Variants in PPP1R9A observed in about 807,000 individuals in gnomAD.
The protein encoded by PPP1R9A is neurabin-1.
PPP1R9A carries 59 observed loss-of-function variants against 141.9 expected under a neutral mutation model. That is an observed-to-expected ratio of 0.42 (90% CI 0.34 to 0.52). The LOEUF (loss-of-function observed/expected upper bound fraction) is 0.52. Ranked by LOEUF, PPP1R9A falls within the 20% of genes least tolerant of loss-of-function variation. PPP1R9A has a pLI of 0.10. For missense variants in PPP1R9A, 1,444 were observed against 1,611.9 expected, an observed-to-expected ratio of 0.90 and a Z score of 1.78; for synonymous variants, 500 against 569.7, an observed-to-expected ratio of 0.88 and a Z score of 1.74.
intron 4 of PPP1R9A, among the ~76,000 whole-genome samples, chr7:95,159,850 C>T (rs772952760): frequency 1.8e-4 from 27 of 148,458 alleles, no homozygotes; most frequent in African/African-American, 2.2e-4. Context: ...CTCTTGAACC[C>T]GGGAGGCGGA....
intron 2 of PPP1R9A, among the ~76,000 whole-genome samples, chr7:95,110,289 C>A (rs1820325285): frequency 6.6e-6 from 1 of 152,082 alleles, no homozygotes; most frequent in Admixed American, 6.6e-5. Flanking sequence ...AGTCTTTGGC[C>A]TTCTTTTCTG....
intron 2 of PPP1R9A, among the ~76,000 whole-genome samples, chr7:94,944,581 CTGACTAAAAGCAGAGTGA>C (rs970869352): frequency 6.6e-4 from 101 of 151,986 alleles, no homozygotes; most frequent in African/African-American, 2.4e-3. Context: ...TAGAGTTAAA[CTGACTAAAAGCAGAGTGA>C]TGACCTAGTG....
At chr7:95,215,215 G>C (rs1793076845) in intron 7 of PPP1R9A, among the ~76,000 whole-genome samples, 1 of 145,876 alleles carries the variant, frequency 6.9e-6, no homozygotes, top group Non-Finnish European at 1.5e-5. Context: ...ATGAGAACAT[G>C]CGGTGTTTGT....
chr7:95,081,129 T>G (rs1272032531), intron 2 of PPP1R9A, among the ~76,000 whole-genome samples: 1 of 152,142 alleles, frequency 6.6e-6, no homozygotes, highest in East Asian at 1.9e-4. Context: ...GGATCAAACT[T>G]TCTGCATAAT....
intron 2 of PPP1R9A, among the ~76,000 whole-genome samples, chr7:95,052,710 A>G (rs147453924): frequency 2.0e-5 from 3 of 152,286 alleles, no homozygotes; most frequent in African/African-American, 4.8e-5. Context: ...TCAGTTCCTC[A>G]TCTTCTCTCC....
chr7:95,181,302 G>C (rs1176147337), intron 5 of PPP1R9A, among the ~76,000 whole-genome samples: 2 of 137,650 alleles, frequency 1.5e-5, no homozygotes, highest in South Asian at 2.2e-4. Context: ...ATATAGAATA[G>C]AGAGAATATA....
At chr7:95,074,244 A>G (rs1305504476) in intron 2 of PPP1R9A, among the ~76,000 whole-genome samples, 3 of 152,172 alleles carry the variant, frequency 2.0e-5, no homozygotes, top group African/African-American at 7.2e-5. Context: ...ATGTAAGAGA[A>G]TATAAATTTA....
intron 9 of PPP1R9A, among the ~76,000 whole-genome samples, chr7:95,248,440 A>G (rs1487543746): frequency 6.6e-6 from 1 of 152,014 alleles, no homozygotes; most frequent in Non-Finnish European, 1.5e-5. Flanking sequence ...TCAAAATACG[A>G]CTATACATCA....
chr7:95,036,661 T>G (rs933030667), intron 2 of PPP1R9A: 3 of 152,242 alleles, frequency 2.0e-5, no homozygotes, highest in African/African-American at 4.8e-5. Flanking sequence ...TTCTTTATCT[T>G]TGTTTGCAGT....
chr7:94,999,699 G>A (rs972605916), intron 2 of PPP1R9A, among the ~76,000 whole-genome samples: 5 of 152,032 alleles, frequency 3.3e-5, no homozygotes, highest in East Asian at 1.9e-4. Context: ...ATTGTTGATC[G>A]TGTGCAACTG....
Position 95,079,729 on chromosome 7 carries a change from G to A in PPP1R9A, c.1396-31530G>A, listed in dbSNP as rs1159341391. Among the ~76,000 whole-genome samples, 4 of 152,132 alleles carry A rather than the reference G, an allele frequency of 2.6e-5. No homozygotes were observed. In the East Asian group the frequency reaches 5.8e-4, roughly 22 times the overall value. On this transcript the variant is annotated intron_variant, in intron 2 of 19. Transcript: ENST00000433360. ...AACTGAATCCAGCAGCACATCAAAA[G>A]GCTTATCCACCATGATCAAGTGGGC... is the stretch of plus-strand genomic sequence containing the variant.
chr7:95,248,847 G>T (rs1019694151), intron 9 of PPP1R9A, among the ~76,000 whole-genome samples: 14 of 151,944 alleles, frequency 9.2e-5, no homozygotes, highest in Non-Finnish European at 1.3e-4. Flanking sequence ...TTCTAACTTT[G>T]TAAACTGTTT....
chr7:95,055,544 G>A (rs924346090), intron 2 of PPP1R9A, among the ~76,000 whole-genome samples: 1 of 151,786 alleles, frequency 6.6e-6, no homozygotes, highest in Non-Finnish European at 1.5e-5. Flanking sequence ...CTTCTCCATC[G>A]AGCTCACCAA....
intron 7 of PPP1R9A, among the ~76,000 whole-genome samples, chr7:95,219,779 A>G (rs998288642): frequency 5.3e-5 from 8 of 152,100 alleles, no homozygotes; most frequent in African/African-American, 1.4e-4. Context: ...ACACCATTTT[A>G]TAGAAGAGAC....
At chr7:95,222,144 T>A (rs1436882995) in intron 7 of PPP1R9A, among the ~76,000 whole-genome samples, 5 of 152,040 alleles carry the variant, frequency 3.3e-5, no homozygotes, top group Admixed American at 2.0e-4. Flanking sequence ...GGTGCAAGTC[T>A]TCAAAGTGAA....
At chr7:95,286,174 C>T in intron 17 of PPP1R9A, 32 bp from the exon 18 acceptor site, 4 of 1,609,334 alleles carry the variant, frequency 2.5e-6, no homozygotes, top group South Asian at 1.1e-5. Context: ...TCACTGCACT[C>T]ATTTAACACT....
intron 4 of PPP1R9A, among the ~76,000 whole-genome samples, chr7:95,126,685 T>C (rs2152506842): frequency 6.6e-6 from 1 of 152,332 alleles, no homozygotes; most frequent in Middle Eastern, 3.4e-3. Flanking sequence ...GGTATTCTTT[T>C]GTTTTTAACC....
At chr7:94,924,460 G>C (rs559798858) in intron 2 of PPP1R9A, among the ~76,000 whole-genome samples, 1 of 152,226 alleles carries the variant, frequency 6.6e-6, no homozygotes. Flanking sequence ...GAGTTACTGG[G>C]TTTTGACTCT....
chr7:95,178,332 T>A (rs1291683912), intron 5 of PPP1R9A, among the ~76,000 whole-genome samples: 1 of 152,028 alleles, frequency 6.6e-6, no homozygotes, highest in Non-Finnish European at 1.5e-5. Context: ...TTCTTCAAAC[T>A]GAATGACAGC....
Sources: gnomAD v4.1 joint callset for allele counts (sites outside exome capture counted in the v4.1 genomes callset) on GRCh38, gnomAD v4.1.1 for gene constraint, MANE v1.5 for transcripts, NCBI Gene and HGNC (gene_info 2026-07-23, HGNC 2026-07-21) for gene names.